Variants in STAG1 observed in about 807,000 individuals in gnomAD.
STAG1 encodes the protein STAG1 cohesin complex component.
A neutral mutation model predicts 170.9 loss-of-function variants in STAG1; 26 were observed. That is an observed-to-expected ratio of 0.15 (90% confidence interval 0.11 to 0.21). STAG1 has a LOEUF of 0.21. Among genes scored for constraint, STAG1 ranks in the 10% least tolerant of loss-of-function variants. The probability of loss-of-function intolerance (pLI) is 1.00; values close to 1 mark genes in which losing one functional copy is unlikely to be tolerated. For missense variants in STAG1, 964 were observed against 1,509.5 expected (o/e 0.64, Z 5.99); for synonymous variants, 514 against 497.7 (o/e 1.03, Z -0.44).
At position 136,560,420 on chromosome 3, in the gene STAG1, C is replaced by T. The variant is rs1576607509; in HGVS notation, c.394+8345G>A. Among the ~76,000 whole-genome samples the T allele has an allele frequency of 3.3e-5, 5 of 152,296 alleles. No homozygotes were observed. In the South Asian group the frequency reaches 1.0e-3, roughly 32 times the overall value. On this transcript the variant is annotated intron_variant, in intron 5 of 33. Coordinates refer to ENST00000383202, the MANE Select transcript of STAG1 (RefSeq NM_005862.3). ...TACTTTGAATATATGGAGAACATAT[C>T]TTCATTTTGCTATGCATAATTCCCT...
At chr3:136,450,725 A>C (rs1361405324) in intron 14 of STAG1, among the ~76,000 whole-genome samples, 9 of 152,124 alleles carry the variant, frequency 5.9e-5, no homozygotes, top group Non-Finnish European at 1.5e-5. Flanking sequence ...CTTCTTTTGC[A>C]ACTCTATTTT....
chr3:136,744,573 TACTTTGC>T (rs571595668), intron 1 of STAG1, among the ~76,000 whole-genome samples: 79 of 152,276 alleles, frequency 5.2e-4, no homozygotes, highest in African/African-American at 1.8e-3. Context: ...CTCATGGCTC[TACTTTGC>T]ACTTTCCTTT....
At chr3:136,748,902 G>A (rs976502176) in intron 1 of STAG1, among the ~76,000 whole-genome samples, 2 of 152,020 alleles carry the variant, frequency 1.3e-5, no homozygotes, top group Non-Finnish European at 2.9e-5. Flanking sequence ...ACCAGGAAAC[G>A]GGAAAGGAAA....
At chr3:136,504,648 G>A (rs775223555) in intron 7 of STAG1, among the ~76,000 whole-genome samples, 7 of 152,190 alleles carry the variant, frequency 4.6e-5, no homozygotes, top group Non-Finnish European at 1.0e-4. Context: ...CATATGAAGT[G>A]ACACCCAAAG....
chr3:136,570,167 A>T (rs1158830623), intron 4 of STAG1, among the ~76,000 whole-genome samples: 1 of 152,206 alleles, frequency 6.6e-6, no homozygotes, highest in Non-Finnish European at 1.5e-5. Context: ...GATATAAAAC[A>T]TTTCCACAAC....
At chr3:136,557,209 G>C (rs1368040151) in intron 5 of STAG1, among the ~76,000 whole-genome samples, 1 of 152,080 alleles carries the variant, frequency 6.6e-6, no homozygotes, top group African/African-American at 2.4e-5. Context: ...CTGCACTCCA[G>C]CCTGGGTTAC....
In STAG1 at chr3:136,341,446, A is replaced by G; in HGVS notation, c.3552T>C (p.His1184=). 1 of 1,601,502 alleles carries G rather than the reference A, an allele frequency of 6.2e-7. No homozygotes were observed. The highest frequency in any genetic ancestry group is 8.6e-7 in the Non-Finnish European group (1 of 1,168,828). ...NYMKVRTGVR[H]AVRGLMEEDA... is the part of the protein sequence containing the mutation. ...ATACTCCATGTAACACTTACACAGC[A>G]TGCCTCACTCCAGTTCTCACTTTCA... The change falls in exon 31 of 34, where the codon CAT becomes CAC. Residue 1184 remains histidine, a synonymous_variant. Transcript: ENST00000383202.
rs74315982 is a variant in STAG1 at position 136,617,610 on chromosome 3, C to T, written c.132+5536G>A. The stretch of plus-strand genomic sequence containing the variant: ...AAACCTGGTAACAACAGGGTTGGTA[C>T]TTTTACTCTCTATTTTACAGGAGTT... On this transcript the variant is annotated intron_variant, in intron 3 of 33. Coordinates refer to ENST00000383202, the MANE Select transcript of STAG1 (RefSeq NM_005862.3). Among the ~76,000 whole-genome samples the T allele has an allele frequency of 3.9e-5, 6 of 152,274 alleles. No homozygotes were observed. The East Asian group carries it at 9.6e-4, about 24-fold the overall frequency.
chr3:136,422,432 G>A lies in STAG1; in HGVS notation c.2015C>T (p.Ser672Phe). ...IDEFVDRFNH[S>F]VEDLLQEGEE... ...GACCTCTTGCAATAGGTCTTCCACAGAATGATTGAATCGATCTACAAACTC... is the reference window on the plus strand; with the variant it reads ...GACCTCTTGCAATAGGTCTTCCACAAAATGATTGAATCGATCTACAAACTC... The change falls in exon 19 of 34, where the codon TCT (serine) becomes TTT (phenylalanine). Residue 672 changes from serine to phenylalanine, a missense_variant. Coordinates refer to ENST00000383202, the MANE Select transcript of STAG1 (RefSeq NM_005862.3). The A allele has an allele frequency of 3.7e-6, 6 of 1,613,950 alleles. No homozygotes were observed. The highest frequency in any genetic ancestry group is 5.1e-6 in the Non-Finnish European group (6 of 1,179,958).
chr3:136,369,439 TTAA>T (rs1297511686), intron 23 of STAG1, among the ~76,000 whole-genome samples, 157 bp from the exon 24 acceptor site: 1 of 152,214 alleles, frequency 6.6e-6, no homozygotes, highest in East Asian at 1.9e-4. Context: ...ATTTCCAAAT[TTAA>T]TAAAATTATT....
intron 1 of STAG1, among the ~76,000 whole-genome samples, chr3:136,666,246 G>A (rs921686325): frequency 6.6e-6 from 1 of 151,992 alleles, no homozygotes; most frequent in Non-Finnish European, 1.5e-5. Context: ...AATCAAGGAA[G>A]CTGATTCTCC....
At chr3:136,477,605 A>G (rs1054349630) in intron 9 of STAG1, among the ~76,000 whole-genome samples, 193 bp from the exon 10 acceptor site, 1 of 152,174 alleles carries the variant, frequency 6.6e-6, no homozygotes, top group African/African-American at 2.4e-5. Flanking sequence ...AACTGGAAAA[A>G]AAAAGCTTCT....
intron 6 of STAG1, among the ~76,000 whole-genome samples, chr3:136,530,904 G>C (rs181755624): frequency 6.6e-6 from 1 of 152,074 alleles, no homozygotes; most frequent in South Asian, 2.1e-4. Context: ...TCAGGAGTTC[G>C]AGATCAGCCT....
chr3:136,733,718 G>A (rs1236835169), intron 1 of STAG1, among the ~76,000 whole-genome samples: 2 of 152,168 alleles, frequency 1.3e-5, no homozygotes, highest in South Asian at 2.1e-4. Flanking sequence ...CATAAACTAA[G>A]GCATTGTTTT....
At chr3:136,540,912 A>C (rs1239959669) in intron 6 of STAG1, among the ~76,000 whole-genome samples, 3 of 151,018 alleles carry the variant, frequency 2.0e-5, no homozygotes, top group Non-Finnish European at 4.4e-5. Context: ...CCTAAAACAA[A>C]AGTAATGCTT....
At chr3:136,732,945 G>C (rs1170283862) in intron 1 of STAG1, among the ~76,000 whole-genome samples, 2 of 151,956 alleles carry the variant, frequency 1.3e-5, no homozygotes, top group African/African-American at 4.8e-5. Flanking sequence ...AGCCCTACCT[G>C]CTGATGAGAA....
At chr3:136,384,425 C>T (rs655720) in intron 22 of STAG1, among the ~76,000 whole-genome samples, 108,199 of 149,602 alleles carry the variant, frequency 0.72, 39,103 homozygotes, top group East Asian at 0.86. Flanking sequence ...ACTCCAGCCT[C>T]GGCAACAGAG....
At chr3:136,393,255 G>GA (rs2087059241) in intron 22 of STAG1, among the ~76,000 whole-genome samples, 1 of 152,088 alleles carries the variant, frequency 6.6e-6, no homozygotes, top group South Asian at 2.1e-4. Flanking sequence ...AAATTAAGGG[G>GA]AAAAAATGGA....
intron 1 of STAG1, among the ~76,000 whole-genome samples, chr3:136,714,059 A>G (rs927982105): frequency 6.6e-6 from 1 of 151,990 alleles, no homozygotes; most frequent in Non-Finnish European, 1.5e-5. Context: ...ATTGAAAATT[A>G]GCAGGGCAAG....
Sources: gnomAD v4.1 joint callset for allele counts (sites outside exome capture counted in the v4.1 genomes callset) on GRCh38, gnomAD v4.1.1 for gene constraint, MANE v1.5 for transcripts, NCBI Gene and HGNC (gene_info 2026-07-23, HGNC 2026-07-21) for gene names.